Variants in SUSD4 observed in about 807,000 individuals in gnomAD.
SUSD4 encodes the protein sushi domain-containing protein 4.
SUSD4 carries 41 observed loss-of-function variants against 50.5 expected under a neutral mutation model. The observed-to-expected ratio is 0.81, with a 90% CI of 0.63 to 1.05. The LOEUF is 1.05. Among genes scored for constraint, SUSD4 ranks in the 50% least tolerant of loss-of-function variants. The pLI, the probability that SUSD4 is intolerant of heterozygous loss-of-function variation, is 0.00. For synonymous variants in SUSD4, 257 were observed against 257.3 expected, an observed-to-expected ratio of 1.00 and a Z score of 0.01; for missense variants, 580 against 634.7, an observed-to-expected ratio of 0.91 and a Z score of 0.93.
chr1:223,249,964 T>A (rs1015247119), intron 5 of SUSD4, among the ~76,000 whole-genome samples: 2 of 152,078 alleles, frequency 1.3e-5, no homozygotes, highest in Non-Finnish European at 2.9e-5. Flanking sequence ...TAAGAAGACA[T>A]AAGAAAATCA....
At chr1:223,224,933 G>A (rs1445211729) in intron 7 of SUSD4, among the ~76,000 whole-genome samples, 2 of 131,936 alleles carry the variant, frequency 1.5e-5, no homozygotes, top group African/African-American at 5.7e-5. Context: ...ACAGTGGCAC[G>A]ATCTTGGCTC....
intron 5 of SUSD4, among the ~76,000 whole-genome samples, chr1:223,258,655 A>G (rs1375297448): frequency 2.0e-5 from 3 of 152,146 alleles, no homozygotes; most frequent in Non-Finnish European, 4.4e-5. Context: ...GGCTGAAAAA[A>G]TCTTTTGAAA....
Position 223,227,901 on chromosome 1 carries a change from T to G in SUSD4, c.917-163A>C, listed in dbSNP as rs1659627594. Among the ~76,000 whole-genome samples, 1 of 152,146 alleles carries G rather than the reference T, an allele frequency of 6.6e-6. No individual in the cohort carries two copies. The highest frequency in any genetic ancestry group is 2.4e-5 in the African/African-American group (1 of 41,436). On this transcript the variant is annotated intron_variant, in intron 6 of 8. Coordinates refer to ENST00000366878, the MANE Select transcript of SUSD4 (RefSeq NM_017982.4). The surrounding 1 kb of genome is among the most constrained non-coding windows in gnomAD (Gnocchi z 4.5). ...AGATACCATGTGCCCCTGTAGCTCA[T>G]GTAAATTGCATCAGGATCCACCCAA...
At chr1:223,274,255 G>A (rs868132850) in intron 3 of SUSD4, among the ~76,000 whole-genome samples, 2 of 152,136 alleles carry the variant, frequency 1.3e-5, no homozygotes, top group South Asian at 2.1e-4. Flanking sequence ...CAACTGAGAC[G>A]AATGATTTGA....
At chr1:223,294,319 T>C (rs1027396062) in intron 2 of SUSD4, among the ~76,000 whole-genome samples, 13 of 152,284 alleles carry the variant, frequency 8.5e-5, no homozygotes, top group Non-Finnish European at 1.8e-4. Context: ...GTAAGTATCA[T>C]TGGGGCTCTT....
intron 2 of SUSD4, among the ~76,000 whole-genome samples, chr1:223,328,266 C>G (rs1666987691): frequency 6.6e-6 from 1 of 152,154 alleles, no homozygotes; most frequent in African/African-American, 2.4e-5. Context: ...TTAATCCTTC[C>G]TATTCGGTCC....
rs993472273 is a variant in SUSD4 at position 223,221,211 on chromosome 1, G to A, written c.*981C>T. On this transcript the variant is annotated 3_prime_UTR_variant, in exon 9 of 9. Coordinates refer to ENST00000366878, the MANE Select transcript of SUSD4 (RefSeq NM_017982.4). The stretch of plus-strand genomic sequence containing the variant: ...CAACCTCACACTTCTTTTGAAGGTC[G>A]GATATGTTTACAGAAACAATTTCTG... 13 of 399,636 alleles carry A rather than the reference G, an allele frequency of 3.3e-5. No individual in the cohort carries two copies. The South Asian group carries it at 5.2e-4, about 16-fold the overall frequency. The allele number at this position is 399,636 out of a possible 1,614,324, so 24.8% of individuals were successfully genotyped here.
At chr1:223,322,176 G>A (rs964925915) in intron 2 of SUSD4, among the ~76,000 whole-genome samples, 9 of 152,208 alleles carry the variant, frequency 5.9e-5, no homozygotes, top group African/African-American at 1.2e-4. Flanking sequence ...AACTGTGGGC[G>A]ATACGAAAAT....
At chr1:223,327,342 G>T (rs1175983310) in intron 2 of SUSD4, among the ~76,000 whole-genome samples, 1 of 152,154 alleles carries the variant, frequency 6.6e-6, no homozygotes, top group Admixed American at 6.5e-5. Context: ...GGAGGAGACT[G>T]GGAGTAGGGA....
intron 3 of SUSD4, among the ~76,000 whole-genome samples, chr1:223,285,204 C>A (rs1664056098): frequency 6.6e-6 from 1 of 152,088 alleles, no homozygotes; most frequent in Admixed American, 6.6e-5. Context: ...TAAAATACTG[C>A]AGTCTTGTTG....
At position 223,227,353 on chromosome 1, in the gene SUSD4, C is replaced by A. The variant is rs562990968; in HGVS notation, c.1061+241G>T. Reference sequence around the variant, plus strand: ...ACTCTGTGATCCCATCGCTAGCCCCCCATGATGCCCACCTGCAAATGGTCT... The same window carrying A: ...ACTCTGTGATCCCATCGCTAGCCCCACATGATGCCCACCTGCAAATGGTCT... On this transcript the variant is annotated intron_variant, in intron 7 of 8. Coordinates refer to ENST00000366878, the MANE Select transcript of SUSD4 (RefSeq NM_017982.4). The surrounding 1 kb of genome is among the most constrained non-coding windows in gnomAD (Gnocchi z 4.5). 5.6e-4 allele frequency among the ~76,000 whole-genome samples: 85 copies of A among 152,254 alleles called. No homozygotes were observed. Among genetic ancestry groups the A allele is most frequent in the Middle Eastern group, 3.4e-3 (1 of 294 alleles).
At chr1:223,280,257 G>T (rs913653072) in intron 3 of SUSD4, among the ~76,000 whole-genome samples, 115 of 152,278 alleles carry the variant, frequency 7.6e-4, no homozygotes, top group Non-Finnish European at 1.4e-3. Context: ...ACATGTAAAT[G>T]GGCTAAATGC....
rs1440648900 is a variant in SUSD4 at position 223,229,209 on chromosome 1, AG to A, written c.903del (p.Cys302AlafsTer16). On this transcript the variant is annotated frameshift_variant, in exon 6 of 9. Transcript: ENST00000366878. LOFTEE classifies it high-confidence loss of function. The surrounding 1 kb of genome is among the most constrained non-coding windows in gnomAD (Gnocchi z 4.7). ...YGEWFPSYQVYCIKSEQTWPS... is the reference protein window; with the variant it reads ...YGEWFPSYQVXCIKSEQTWPS... ...CCTTCAGTCTTACCTGATTTGATGCAGTAGACTTGATAAGAAGGAAACCACT... is the reference window on the plus strand; with the variant it reads ...CCTTCAGTCTTACCTGATTTGATGCATAGACTTGATAAGAAGGAAACCACT... The A allele has an allele frequency of 1.9e-6, 3 of 1,604,640 alleles. No homozygotes were observed. The highest frequency in any genetic ancestry group is 1.3e-5 in the African/African-American group (1 of 74,792).
Position 223,363,356 on chromosome 1 carries a change from G to A in SUSD4, c.70C>T (p.Gln24Ter). 1.9e-6 allele frequency: 3 copies of A among 1,606,778 alleles called. No individual in the cohort carries two copies. The highest frequency in any genetic ancestry group is 1.1e-5 in the South Asian group (1 of 89,350). ...LEQQQQQQQP[Q>*]SPQRLLAVIL... ...ACGGCCAAGAGTCTCTGGGGGGACTGAGGTTGCTGCTGCTGCTGCTGCTGC... is the reference window on the plus strand; with the variant it reads ...ACGGCCAAGAGTCTCTGGGGGGACTAAGGTTGCTGCTGCTGCTGCTGCTGC... Residue 24 changes from glutamine (Q) to a stop codon, truncating the protein, a stop_gained, in exon 2 of 9, where the codon CAG (glutamine) becomes TAG (stop). Coordinates refer to ENST00000366878, the MANE Select transcript of SUSD4 (RefSeq NM_017982.4). LOFTEE classifies it high-confidence loss of function.
At chr1:223,362,534 C>T (rs1272365836) in intron 2 of SUSD4, among the ~76,000 whole-genome samples, 1 of 152,128 alleles carries the variant, frequency 6.6e-6, no homozygotes, top group African/African-American at 2.4e-5. Context: ...AAAAGATACC[C>T]CTCCCCCAGA....
chr1:223,273,285 T>C (rs1663038975), intron 3 of SUSD4, among the ~76,000 whole-genome samples: 1 of 152,180 alleles, frequency 6.6e-6, no homozygotes, highest in Non-Finnish European at 1.5e-5. Flanking sequence ...GGAATTATTT[T>C]AGTGTGATAG....
At chr1:223,294,710 T>C (rs1267966480) in intron 2 of SUSD4, among the ~76,000 whole-genome samples, 1 of 152,188 alleles carries the variant, frequency 6.6e-6, no homozygotes, top group East Asian at 1.9e-4. Flanking sequence ...GCAGGTCTGA[T>C]ATTTTACCAA....
chr1:223,344,303 T>C (rs112723853), intron 2 of SUSD4, among the ~76,000 whole-genome samples: 83 of 152,160 alleles, frequency 5.5e-4, no homozygotes, highest in African/African-American at 2.0e-3. Flanking sequence ...GGAGGCAACA[T>C]TGTCGGGTGC....
rs147928964 is a variant in SUSD4, at chr1:223,231,895, C to T, written c.725-2507G>A. Reference sequence around the variant, plus strand: ...GGCATCTTCTCTGGGACAGGAGCCCCTTTCTGTGGTCAAGGGTATGGCAAG... The same window carrying T: ...GGCATCTTCTCTGGGACAGGAGCCCTTTTCTGTGGTCAAGGGTATGGCAAG... On this transcript the variant is annotated intron_variant, in intron 5 of 8. Transcript: ENST00000366878. This position sits in a 1 kb window ranked among gnomAD's most constrained non-coding sequence, Gnocchi z 4.2. Among the ~76,000 whole-genome samples, 269 of 152,306 alleles carry T rather than the reference C, an allele frequency of 1.8e-3. 5 individuals are homozygous for T. The highest frequency in any genetic ancestry group is 3.1e-4 in the Non-Finnish European group (21 of 68,020).
Sources: gnomAD v4.1 joint callset for allele counts (sites outside exome capture counted in the v4.1 genomes callset) on GRCh38, gnomAD v4.1.1 for gene constraint, Gnocchi (gnomAD v3.1) non-coding constraint, MANE v1.5 for transcripts, NCBI Gene and HGNC (gene_info 2026-07-23, HGNC 2026-07-21) for gene names.